The following PIBF1 variants were observed in gnomAD, a reference collection of about 807,000 sequenced individuals.
The protein encoded by PIBF1 is progesterone immunomodulatory binding factor 1.
PIBF1 carries 90 observed loss-of-function variants against 112.5 expected under a neutral mutation model. The observed-to-expected ratio is 0.80, with a 90% CI of 0.67 to 0.95. The LOEUF is 0.95. Ranked by LOEUF, PIBF1 falls within the 40% of genes least tolerant of loss-of-function variation. PIBF1 has a pLI of 0.00. For synonymous variants in PIBF1, 301 were observed against 288.6 expected (o/e 1.04, Z -0.44); for missense variants, 915 against 852.3 (o/e 1.07, Z -0.92).
At chr13:72,920,008 T>C (rs2041234653) in intron 13 of PIBF1, among the ~76,000 whole-genome samples, 1 of 152,162 alleles carries the variant, frequency 6.6e-6, no homozygotes, top group Non-Finnish European at 1.5e-5. Context: ...AGAATTCTGC[T>C]GTTAGAACTT....
At chr13:72,844,342 CTTTT>C (rs967148796) in intron 9 of PIBF1, among the ~76,000 whole-genome samples, 2 of 152,078 alleles carry the variant, frequency 1.3e-5, no homozygotes, top group African/African-American at 4.8e-5. Flanking sequence ...GAAATTCTGT[CTTTT>C]TTTATTATTA....
At chr13:72,874,411 AG>A (rs2039305512) in intron 10 of PIBF1, among the ~76,000 whole-genome samples, 1 of 152,248 alleles carries the variant, frequency 6.6e-6, no homozygotes, top group African/African-American at 2.4e-5. Context: ...ATAAAAAAGG[AG>A]GAAACTACTT....
intron 5 of PIBF1, among the ~76,000 whole-genome samples, chr13:72,810,675 A>G (rs2035964362): frequency 6.6e-6 from 1 of 152,146 alleles, no homozygotes. Context: ...TTTCTTTGTA[A>G]GGTACATATT....
At chr13:72,792,333 C>A in intron 2 of PIBF1, 114 bp from the exon 3 acceptor site, 1 of 665,686 alleles carries the variant, frequency 1.5e-6, no homozygotes, top group Non-Finnish European at 2.5e-6. Flanking sequence ...GTGCCTGGTC[C>A]CTCTATCCAT....
intron 5 of PIBF1, among the ~76,000 whole-genome samples, chr13:72,804,884 T>A (rs1382885393): frequency 6.6e-6 from 1 of 152,202 alleles, no homozygotes; most frequent in Non-Finnish European, 1.5e-5. Context: ...TGTTACTTTG[T>A]TCAATAAGTG....
chr13:72,818,355 A>G (rs1204768947), intron 5 of PIBF1, among the ~76,000 whole-genome samples: 1 of 152,060 alleles, frequency 6.6e-6, no homozygotes, highest in African/African-American at 2.4e-5. Flanking sequence ...TTCAGCTGCT[A>G]CCTAGGTTAC....
chr13:72,961,441 A>G (rs533647280), intron 14 of PIBF1, among the ~76,000 whole-genome samples: 2 of 152,296 alleles, frequency 1.3e-5, no homozygotes, highest in Admixed American at 1.3e-4. Context: ...TATAGATCTC[A>G]TGAACATAAT....
intron 14 of PIBF1, among the ~76,000 whole-genome samples, chr13:72,955,855 G>T (rs952529177): frequency 6.6e-6 from 1 of 152,028 alleles, no homozygotes; most frequent in Non-Finnish European, 1.5e-5. Flanking sequence ...TTTCCAATCT[G>T]TCAAGCCCCT....
chr13:72,999,534 C>G (rs750173546), intron 17 of PIBF1, among the ~76,000 whole-genome samples: 4 of 152,110 alleles, frequency 2.6e-5, no homozygotes, highest in Admixed American at 6.6e-5. Context: ...ATCTGCTAAA[C>G]ATAGAGACTC....
chr13:72,987,850 A>ATTTTTATT (rs1160979996), intron 16 of PIBF1, among the ~76,000 whole-genome samples: 2 of 66,440 alleles, frequency 3.0e-5, no homozygotes, highest in African/African-American at 1.3e-4. Context: ...TTATTTATTT[A>ATTTTTATT]TTTATTTATT....
chr13:72,988,206 G>A (rs2043367893), intron 16 of PIBF1, among the ~76,000 whole-genome samples: 1 of 151,950 alleles, frequency 6.6e-6, no homozygotes, highest in Non-Finnish European at 1.5e-5. Flanking sequence ...CAAAATTAAA[G>A]TAATATCTAC....
In PIBF1 at chr13:72,826,058, T is replaced by A. The variant is rs539092374; in HGVS notation, c.807-952T>A. ...CATCTCATAAAAAAAAAAAAAAATTTAAAAAAAAGATTTTTTAAAAAATTG... is the reference window on the plus strand; with the variant it reads ...CATCTCATAAAAAAAAAAAAAAATTAAAAAAAAAGATTTTTTAAAAAATTG... On this transcript the variant is annotated intron_variant, in intron 6 of 17. Transcript: ENST00000326291. Among the ~76,000 whole-genome samples the A allele has an allele frequency of 1.3e-3, 190 of 150,134 alleles. 3 individuals are homozygous for A. Among genetic ancestry groups the A allele is most frequent in the South Asian group, 3.8e-3 (18 of 4,756 alleles).
chr13:72,947,952 A>C (rs972697437), intron 14 of PIBF1, among the ~76,000 whole-genome samples: 8 of 152,300 alleles, frequency 5.3e-5, no homozygotes, highest in Middle Eastern at 6.8e-3. Flanking sequence ...GCTGGAAACC[A>C]TCATTCTCAG....
intron 10 of PIBF1, among the ~76,000 whole-genome samples, chr13:72,867,518 A>G (rs1594086145): frequency 6.6e-6 from 1 of 152,188 alleles, no homozygotes; most frequent in Admixed American, 6.5e-5. Flanking sequence ...TTTCAGCACC[A>G]TAAAGGTAGA....
chr13:72,917,017 C>A, intron 12 of PIBF1, 59 bp from the exon 13 acceptor site: 2 of 1,093,836 alleles, frequency 1.8e-6, no homozygotes, highest in South Asian at 1.7e-5. Context: ...TTCACTTCTG[C>A]CATCTTTTTT....
chr13:72,940,976 T>C (rs960332636), intron 14 of PIBF1, among the ~76,000 whole-genome samples: 1 of 152,172 alleles, frequency 6.6e-6, no homozygotes, highest in African/African-American at 2.4e-5. Flanking sequence ...GCAGCTCCCT[T>C]TTCTTCAGTA....
In PIBF1 at chr13:72,842,048, A is replaced by G. The variant is rs113849179; in HGVS notation, c.1223+6680A>G. On this transcript the variant is annotated intron_variant, in intron 9 of 17. Coordinates refer to ENST00000326291, the MANE Select transcript of PIBF1 (RefSeq NM_006346.4). ...TATATATTCTTAAGTGTTTATCTCC[A>G]TAGCATTTAACCAGTTTTCTTAAAT... Among the ~76,000 whole-genome samples the G allele has an allele frequency of 7.0e-3, 1,063 of 152,300 alleles. 23 individuals are homozygous for G. The highest frequency in any genetic ancestry group is 0.024 in the African/African-American group (997 of 41,566).
intron 10 of PIBF1, among the ~76,000 whole-genome samples, chr13:72,864,657 A>G (rs940813421): frequency 1.2e-4 from 18 of 152,264 alleles, no homozygotes; most frequent in African/African-American, 4.3e-4. Context: ...ACCCACATCC[A>G]AAAAAAGACG....
chr13:72,822,964 A>G (rs1273611782), intron 6 of PIBF1, among the ~76,000 whole-genome samples: 1 of 152,210 alleles, frequency 6.6e-6, no homozygotes, highest in Non-Finnish European at 1.5e-5. Context: ...GCATAGTGGC[A>G]CATGCCTTTA....
Sources: allele counts gnomAD v4.1 joint callset (sites outside exome capture counted in the v4.1 genomes callset), GRCh38; gene constraint gnomAD v4.1.1; transcripts MANE v1.5; gene names NCBI Gene and HGNC (gene_info 2026-07-23, HGNC 2026-07-21).